LZTS1: variants seen among roughly 807,000 people sequenced by gnomAD.
LZTS1 encodes leucine zipper tumor suppressor 1, also known as leucine zipper putative tumor suppressor 1.
A neutral mutation model predicts 45.8 loss-of-function variants in LZTS1; 31 were observed. That is an observed-to-expected ratio of 0.68 (90% confidence interval 0.51 to 0.91). The LOEUF is 0.91. Ranked by LOEUF, LZTS1 falls within the 40% of genes least tolerant of loss-of-function variation. The pLI, the probability that LZTS1 is intolerant of heterozygous loss-of-function variation, is 0.00. For synonymous variants in LZTS1, 359 were observed against 357.3 expected, an observed-to-expected ratio of 1.00 and a Z score of -0.05; for missense variants, 821 against 788.9, an observed-to-expected ratio of 1.04 and a Z score of -0.49.
chr8:20,300,077 G>A lies in LZTS1; in HGVS notation c.-135+3663C>T, dbSNP rs150762979. 5.9e-5 allele frequency among the ~76,000 whole-genome samples: 9 copies of A among 152,286 alleles called. No homozygotes were observed. The East Asian group carries it at 1.7e-3, about 30-fold the overall frequency. On this transcript the variant is annotated intron_variant, in intron 1 of 3. Coordinates refer to ENST00000381569, the MANE Select transcript of LZTS1 (RefSeq NM_021020.5). ...CTGGAGATAGAGTGGGTGGGGGCGA[G>A]TGTTCCCTCGGACTCCCGAACTGTT...
chr8:20,270,910 G>C (rs1421169593), intron 1 of LZTS1, among the ~76,000 whole-genome samples: 1 of 151,838 alleles, frequency 6.6e-6, no homozygotes, highest in South Asian at 2.1e-4. Flanking sequence ...AACCCAGAAA[G>C]GATTGGAATT....
rs1041865128 is a variant in LZTS1 at position 20,246,695 on chromosome 8, T to C, written c.*3027A>G. On this transcript the variant is annotated 3_prime_UTR_variant, in exon 4 of 4. Transcript: ENST00000381569. ...CTGTGTGTGCCTGGCAGGAGTTCACTGGGAGAGCTAGGAGGGAACCCCGTG... is the reference window on the plus strand; with the variant it reads ...CTGTGTGTGCCTGGCAGGAGTTCACCGGGAGAGCTAGGAGGGAACCCCGTG... 6 of 152,460 alleles carry C rather than the reference T, an allele frequency of 3.9e-5. No individual in the cohort carries two copies. Among genetic ancestry groups the C allele is most frequent in the Non-Finnish European group, 5.9e-5 (4 of 68,274 alleles). The allele number at this position is 152,460 out of a possible 1,614,324, so 9.4% of individuals were successfully genotyped here. A position where few individuals can be genotyped will look rare whatever the true frequency, so the allele number is the denominator to read the frequency against.
At chr8:20,285,533 C>T (rs953057582) in intron 1 of LZTS1, among the ~76,000 whole-genome samples, 3 of 152,132 alleles carry the variant, frequency 2.0e-5, no homozygotes, top group Non-Finnish European at 2.9e-5. Flanking sequence ...TGTGTATGAC[C>T]TCTACACTGA....
intron 1 of LZTS1, among the ~76,000 whole-genome samples, chr8:20,293,216 C>A (rs1431702821): frequency 6.6e-6 from 1 of 152,202 alleles, no homozygotes; most frequent in South Asian, 2.1e-4. Context: ...CCAGGGTCTG[C>A]TCTAGGCCGC....
intron 1 of LZTS1, among the ~76,000 whole-genome samples, chr8:20,283,991 T>C (rs995155385): frequency 5.3e-5 from 8 of 152,126 alleles, no homozygotes; most frequent in African/African-American, 1.2e-4. Context: ...GCCCAAGCAA[T>C]AGATGCTCCA....
At chr8:20,302,396 C>T (rs1016584743) in intron 1 of LZTS1, among the ~76,000 whole-genome samples, 7 of 152,124 alleles carry the variant, frequency 4.6e-5, no homozygotes, top group Non-Finnish European at 7.3e-5. Flanking sequence ...TACCCATATG[C>T]GCACACTCTT....
At chr8:20,265,267 G>A (rs1389242280) in intron 1 of LZTS1, among the ~76,000 whole-genome samples, 1 of 152,140 alleles carries the variant, frequency 6.6e-6, no homozygotes, top group Non-Finnish European at 1.5e-5. Context: ...GCAACCTGGA[G>A]CACTTCACAC....
Position 20,253,519 on chromosome 8 carries a change from G to T in LZTS1, c.412C>A (p.Leu138Met). 1 of 1,556,110 alleles carries T rather than the reference G, an allele frequency of 6.4e-7. No homozygotes were observed. The change falls in exon 3 of 4, where the codon CTG (leucine) becomes ATG (methionine). Residue 138 changes from leucine to methionine, a missense_variant. Leu to Met is a conservative substitution (Grantham distance 15, BLOSUM62 2). Coordinates refer to ENST00000381569, the MANE Select transcript of LZTS1 (RefSeq NM_021020.5). ...CTGGCACTCTCCGGGGAGGAGTGCAGGATGGCTCCTGACCGTGGCAGCACA... is the reference window on the plus strand; with the variant it reads ...CTGGCACTCTCCGGGGAGGAGTGCATGATGGCTCCTGACCGTGGCAGCACA... ...KPVLPRSGAI[L>M]HSSPESASHQ...
chr8:20,288,227 C>T (rs1800831164), intron 1 of LZTS1, among the ~76,000 whole-genome samples: 1 of 152,196 alleles, frequency 6.6e-6, no homozygotes, highest in African/African-American at 2.4e-5. Context: ...ATTCTGAAAT[C>T]ACCGCCTCGC....
chr8:20,250,780 G>A (rs573674926), intron 3 of LZTS1, among the ~76,000 whole-genome samples: 6 of 151,942 alleles, frequency 3.9e-5, no homozygotes, highest in Admixed American at 3.3e-4. Flanking sequence ...TGTATTTTTA[G>A]TAGAGACGGG....
At chr8:20,300,481 C>T (rs1053247353) in intron 1 of LZTS1, among the ~76,000 whole-genome samples, 4 of 151,954 alleles carry the variant, frequency 2.6e-5, no homozygotes, top group Non-Finnish European at 4.4e-5. Flanking sequence ...TACAGGTGCC[C>T]GCCACGACGC....
At chr8:20,286,789 A>G (rs1489632673) in intron 1 of LZTS1, among the ~76,000 whole-genome samples, 2 of 152,202 alleles carry the variant, frequency 1.3e-5, no homozygotes, top group South Asian at 2.1e-4. Flanking sequence ...AGGGGATCCC[A>G]GGGAGCAACG....
intron 1 of LZTS1, among the ~76,000 whole-genome samples, chr8:20,296,627 G>A (rs1474639059): frequency 6.6e-6 from 1 of 152,186 alleles, no homozygotes. Context: ...GTGAGTTTGG[G>A]TATCACAAGA....
At chr8:20,289,837 G>T (rs1800868699) in intron 1 of LZTS1, 1 of 152,250 alleles carries the variant, frequency 6.6e-6, no homozygotes, top group Non-Finnish European at 1.5e-5. Context: ...AAGGTCAAGT[G>T]GGAGTTTAAT....
intron 1 of LZTS1, among the ~76,000 whole-genome samples, chr8:20,261,940 CCCTGA>C (rs1235913362): frequency 6.6e-6 from 1 of 152,240 alleles, no homozygotes; most frequent in Non-Finnish European, 1.5e-5. Flanking sequence ...CCCTCCTGCT[CCCTGA>C]CATCCTTCCC....
chr8:20,286,330 T>C (rs114869153), intron 1 of LZTS1, among the ~76,000 whole-genome samples: 2 of 152,116 alleles, frequency 1.3e-5, no homozygotes, highest in African/African-American at 4.8e-5. Flanking sequence ...GAGCAAAAGA[T>C]TTGAACAGGC....
chr8:20,289,374 A>C (rs1800857002), intron 1 of LZTS1: 1 of 152,412 alleles, frequency 6.6e-6, no homozygotes, highest in Non-Finnish European at 1.5e-5. Flanking sequence ...TGGGCCAGGC[A>C]GACAAGCGGC....
chr8:20,252,702 T>C (rs1439788099), intron 3 of LZTS1, 80 bp downstream of exon 3: 2 of 1,347,904 alleles, frequency 1.5e-6, no homozygotes, highest in African/African-American at 2.9e-5. Flanking sequence ...TTGCACGCTA[T>C]TGGCCGGCAC....
At chr8:20,267,223 G>GCATCGTC (rs11282268) in intron 1 of LZTS1, among the ~76,000 whole-genome samples, 40,337 of 151,746 alleles carry the variant, frequency 0.27, 5,680 homozygotes, top group East Asian at 0.49. Context: ...CTGGTTTCTG[G>GCATCGTC]CATCGTCCTT....
Sources: gnomAD v4.1 joint callset for allele counts (sites outside exome capture counted in the v4.1 genomes callset) on GRCh38, gnomAD v4.1.1 for gene constraint, MANE v1.5 for transcripts, NCBI Gene and HGNC (gene_info 2026-07-23, HGNC 2026-07-21) for gene names.